Variants in KCMF1 observed in about 807,000 individuals in gnomAD.
KCMF1 encodes the protein potassium channel modulatory factor 1.
Under a neutral mutation model 41.1 loss-of-function variants are expected in KCMF1, and 3 were observed. The ratio of observed to expected loss-of-function variants is 0.07; its 90% CI spans 0.03 to 0.19. KCMF1 has a LOEUF of 0.19. Among genes scored for constraint, KCMF1 ranks in the 10% least tolerant of loss-of-function variants. The pLI, the probability that KCMF1 is intolerant of heterozygous loss-of-function variation, is 1.00. For synonymous variants in KCMF1, 142 were observed against 164.5 expected (o/e 0.86, Z 1.04); for missense variants, 286 against 488.9 (o/e 0.58, Z 3.91).
rs1676011622 is a variant in KCMF1, at chr2:85,059,392, G to C, written c.*5983G>C. 1 of 152,102 alleles carries C rather than the reference G, an allele frequency of 6.6e-6. No homozygotes were observed. The highest frequency in any genetic ancestry group is 2.1e-4 in the South Asian group (1 of 4,820). The allele number at this position is 152,102 out of a possible 1,614,324, so 9.4% of individuals were successfully genotyped here. A position where few individuals can be genotyped will look rare whatever the true frequency, so the allele number is the denominator to read the frequency against. On this transcript the variant is annotated 3_prime_UTR_variant, in exon 7 of 7. Transcript: ENST00000409785. ...CGAGACTAATTTGTACTGAACCCTTGATATAGATTACCTTTTATAACATCA... is the reference window on the plus strand; with the variant it reads ...CGAGACTAATTTGTACTGAACCCTTCATATAGATTACCTTTTATAACATCA...
At chr2:84,990,995 T>C (rs537747425) in intron 1 of KCMF1, among the ~76,000 whole-genome samples, 1 of 152,288 alleles carries the variant, frequency 6.6e-6, no homozygotes, top group South Asian at 2.1e-4. Context: ...TCATTCTAGC[T>C]GCAGGGTGGA....
In KCMF1 at chr2:85,043,647, C is replaced by T; in HGVS notation, c.408C>T (p.His136=). ...DDFAAHLTLE[H]RAPRDLDESS... is the part of the protein sequence containing the mutation. ...TTGCAGCTCATCTTACACTTGAACACAGAGCCCCTAGAGATTTAATATCCT... is the reference window on the plus strand; with the variant it reads ...TTGCAGCTCATCTTACACTTGAACATAGAGCCCCTAGAGATTTAATATCCT... The change falls in exon 4 of 7, where the codon CAC becomes CAT. Residue 136 remains histidine (H), a synonymous_variant. Coordinates refer to ENST00000409785, the MANE Select transcript of KCMF1 (RefSeq NM_020122.5). The T allele has an allele frequency of 6.2e-7, 1 of 1,605,714 alleles. No individual in the cohort carries two copies. Among genetic ancestry groups the T allele is most frequent in the East Asian group, 2.2e-5 (1 of 44,852 alleles).
chr2:85,026,191 A>G (rs1675098852), intron 1 of KCMF1, among the ~76,000 whole-genome samples: 1 of 151,962 alleles, frequency 6.6e-6, no homozygotes. Flanking sequence ...GGGTTTCACC[A>G]GGTTGGTCAG....
rs374118480 is a variant in KCMF1, at chr2:85,022,919, C to T, written c.17-4970C>T. On this transcript the variant is annotated intron_variant, in intron 1 of 6. Transcript: ENST00000409785. Reference sequence around the variant, plus strand: ...TTTTTTTTTTTTTGAGACGGAGTCTCGCTCTGTTGCCCAGGCTAGAGTGCG... The same window carrying T: ...TTTTTTTTTTTTTGAGACGGAGTCTTGCTCTGTTGCCCAGGCTAGAGTGCG... 1.9e-4 allele frequency among the ~76,000 whole-genome samples: 24 copies of T among 124,408 alleles called. 1 individual carries two copies. The highest frequency in any genetic ancestry group is 5.9e-4 in the African/African-American group (19 of 32,312). 81.6% of individuals were successfully genotyped at this position (124,408 alleles called of 152,430 possible).
chr2:85,006,630 T>TA (rs1049211719), intron 1 of KCMF1, among the ~76,000 whole-genome samples: 1 of 151,968 alleles, frequency 6.6e-6, no homozygotes, highest in Admixed American at 6.6e-5. Flanking sequence ...TATGTCTTTT[T>TA]AAAAAAAATC....
At chr2:85,050,788 A>G (rs1045751589) in intron 6 of KCMF1, among the ~76,000 whole-genome samples, 2 of 152,250 alleles carry the variant, frequency 1.3e-5, no homozygotes, top group African/African-American at 4.8e-5. Context: ...TATAATTTCT[A>G]CTTATGTTTC....
chr2:85,020,499 G>A (rs894504759), intron 1 of KCMF1, among the ~76,000 whole-genome samples: 3 of 152,032 alleles, frequency 2.0e-5, no homozygotes, highest in African/African-American at 4.8e-5. Context: ...CACAATCTCC[G>A]CTCACTGCAG....
intron 5 of KCMF1, among the ~76,000 whole-genome samples, chr2:85,048,766 G>C (rs1186293811): frequency 6.6e-6 from 1 of 152,212 alleles, no homozygotes; most frequent in Non-Finnish European, 1.5e-5. Flanking sequence ...CAGCCTTGCT[G>C]AGCACTGGTA....
intron 1 of KCMF1, among the ~76,000 whole-genome samples, chr2:84,981,191 ATTT>A (rs375286197): frequency 7.0e-6 from 1 of 143,532 alleles, no homozygotes; most frequent in Non-Finnish European, 1.5e-5. Context: ...CTTCTGTTGA[ATTT>A]TTTTTTTTTT....
chr2:85,008,335 A>ATAATATATAATATATC (rs1558573516), intron 1 of KCMF1, among the ~76,000 whole-genome samples: 2 of 14,988 alleles, frequency 1.3e-4, no homozygotes, highest in African/African-American at 2.2e-4. Flanking sequence ...TATAATATAT[A>ATAATATATAATATATC]ATATGATATA....
chr2:85,044,189 T>C (rs1416163558), intron 4 of KCMF1, among the ~76,000 whole-genome samples: 1 of 152,196 alleles, frequency 6.6e-6, no homozygotes, highest in Non-Finnish European at 1.5e-5. Flanking sequence ...TTTCCCTCTC[T>C]GTTCCTCTGC....
chr2:85,048,005 G>T (rs751142799), intron 5 of KCMF1, among the ~76,000 whole-genome samples: 3 of 152,156 alleles, frequency 2.0e-5, no homozygotes, highest in Non-Finnish European at 2.9e-5. Flanking sequence ...TGGGTACTGG[G>T]CTTAATTGGG....
intron 1 of KCMF1, among the ~76,000 whole-genome samples, chr2:85,017,216 C>T (rs531784874): frequency 5.9e-5 from 9 of 151,532 alleles, no homozygotes; most frequent in Non-Finnish European, 1.3e-4. Context: ...TTAGTAGAGA[C>T]GGGGTTTCAC....
At chr2:85,013,196 T>G (rs2104006874) in intron 1 of KCMF1, among the ~76,000 whole-genome samples, 1 of 152,330 alleles carries the variant, frequency 6.6e-6, no homozygotes, top group Non-Finnish European at 1.5e-5. Context: ...CCATTTAGGC[T>G]CTAAGCACTA....
chr2:85,040,869 T>C (rs1288552330), intron 3 of KCMF1, among the ~76,000 whole-genome samples: 1 of 152,080 alleles, frequency 6.6e-6, no homozygotes, highest in Non-Finnish European at 1.5e-5. Flanking sequence ...CAAGTGATTC[T>C]CCTGCCTCAG....
At chr2:84,986,522 T>A (rs1559126378) in intron 1 of KCMF1, among the ~76,000 whole-genome samples, 1 of 151,786 alleles carries the variant, frequency 6.6e-6, no homozygotes, top group South Asian at 2.1e-4. Context: ...GGGACAACAG[T>A]GAGGAGACCA....
rs1675993220 is a variant in KCMF1, at chr2:85,058,521, T to C, written c.*5112T>C. 1 of 152,280 alleles carries C rather than the reference T, an allele frequency of 6.6e-6. No individual in the cohort carries two copies. The highest frequency in any genetic ancestry group is 1.5e-5 in the Non-Finnish European group (1 of 68,072). The allele number at this position is 152,280 out of a possible 1,614,324, so 9.4% of individuals were successfully genotyped here. A position where few individuals can be genotyped will look rare whatever the true frequency, so the allele number is the denominator to read the frequency against. On this transcript the variant is annotated 3_prime_UTR_variant, in exon 7 of 7. Transcript: ENST00000409785. ...GGAACCTAGCATCTGACTGTGTCCT[T>C]GGCAGACAGTGCATGTAGCCTGTAG... is the stretch of plus-strand genomic sequence containing the variant.
chr2:85,018,205 A>G (rs1246824941), intron 1 of KCMF1, among the ~76,000 whole-genome samples: 1 of 152,006 alleles, frequency 6.6e-6, no homozygotes, highest in East Asian at 1.9e-4. Flanking sequence ...AGCTTGTTCA[A>G]GTTAGCATTT....
intron 1 of KCMF1, among the ~76,000 whole-genome samples, chr2:85,020,357 TATC>T (rs1315974363): frequency 5.9e-5 from 9 of 152,236 alleles, no homozygotes; most frequent in African/African-American, 1.9e-4. Context: ...CCTAAATAGA[TATC>T]ATAGGTATCT....
Sources: gnomAD v4.1 joint callset for allele counts (sites outside exome capture counted in the v4.1 genomes callset) on GRCh38, gnomAD v4.1.1 for gene constraint, MANE v1.5 for transcripts, NCBI Gene and HGNC (gene_info 2026-07-23, HGNC 2026-07-21) for gene names.